The following SYTL2 variants were observed in gnomAD, a reference collection of about 807,000 sequenced individuals.
The protein encoded by SYTL2 is synaptotagmin like 2.
SYTL2 carries 165 observed loss-of-function variants against 198.7 expected under a neutral mutation model. That is an observed-to-expected ratio of 0.83 (90% confidence interval 0.73 to 0.94). SYTL2 has a LOEUF of 0.94. Among genes scored for constraint, SYTL2 ranks in the 40% least tolerant of loss-of-function variants. SYTL2 has a pLI of 0.00. For synonymous variants in SYTL2, 966 were observed against 917.7 expected, an observed-to-expected ratio of 1.05 and a Z score of -0.95; for missense variants, 2,835 against 2,582.8, an observed-to-expected ratio of 1.10 and a Z score of -2.12.
At chr11:85,836,928 C>T in the SYTL2 span, among the ~76,000 whole-genome samples, 1 of 152,120 alleles carries the variant, frequency 6.6e-6, no homozygotes, top group Non-Finnish European at 1.5e-5. Context: ...ATTTTTAACC[C>T]TCAGAAATGA....
chr11:85,825,126 A>G, the SYTL2 span, among the ~76,000 whole-genome samples: 1 of 152,236 alleles, frequency 6.6e-6, no homozygotes, highest in African/African-American at 2.4e-5. Flanking sequence ...CTGAGTGTGC[A>G]GCTCTAAAGG....
In SYTL2 at chr11:85,700,608, A is replaced by C; in HGVS notation, c.6190-15T>G. 6.2e-7 allele frequency: 1 copy of C among 1,610,360 alleles called. No homozygotes were observed. Reference sequence around the variant, plus strand: ...ACTGGTGCTGTCTGAAAAGTGAAGAAATGTCAGCAGGTGGGAGACAAACTT... The same window carrying C: ...ACTGGTGCTGTCTGAAAAGTGAAGACATGTCAGCAGGTGGGAGACAAACTT... On this transcript the variant is annotated splice_polypyrimidine_tract_variant and intron_variant, in intron 16 of 19. Coordinates refer to ENST00000359152, the MANE Select transcript of SYTL2 (RefSeq NM_206927.4).
At chr11:85,801,825 T>C (rs1043596293) in intron 1 of SYTL2, among the ~76,000 whole-genome samples, 1 of 151,134 alleles carries the variant, frequency 6.6e-6, no homozygotes, top group Non-Finnish European at 1.5e-5. Flanking sequence ...CCCCGTTCTT[T>C]TTTTTTTTTT....
At chr11:85,722,743 TTTAA>T (rs1389123056) in intron 8 of SYTL2, among the ~76,000 whole-genome samples, 13 of 151,936 alleles carry the variant, frequency 8.6e-5, no homozygotes, top group Admixed American at 3.9e-4. Context: ...AATTTAGAGA[TTTAA>T]TTAGAGATTT....
At chr11:85,757,543 A>G (rs1445549731) in intron 2 of SYTL2, 82 bp downstream of exon 2, 2 of 1,479,410 alleles carry the variant, frequency 1.4e-6, no homozygotes, top group African/African-American at 2.8e-5. Flanking sequence ...TACCACTTAT[A>G]GTTGAAAAAA....
the SYTL2 span, among the ~76,000 whole-genome samples, chr11:85,848,855 G>A: frequency 6.6e-6 from 1 of 152,008 alleles, no homozygotes; most frequent in Non-Finnish European, 1.5e-5. Context: ...GAGATCATAA[G>A]AGTAATTTCA....
Position 85,733,937 on chromosome 11 carries a change from A to G in SYTL2, c.1390+2T>C, listed in dbSNP as rs779557969. 6.2e-7 allele frequency: 1 copy of G among 1,613,134 alleles called. No homozygotes were observed. Among genetic ancestry groups the G allele is most frequent in the African/African-American group, 1.3e-5 (1 of 74,868 alleles). ...ATAATCTAGTAGTGACAACTCTCTT[A>G]CCAGCAGGGCTTCTGGGTAATACAG... On this transcript the variant is annotated splice_donor_variant, in intron 7 of 19. Transcript: ENST00000359152. LOFTEE classifies it high-confidence loss of function.
intron 3 of SYTL2, among the ~76,000 whole-genome samples, chr11:85,747,808 A>G (rs1467200738): frequency 6.6e-6 from 1 of 152,168 alleles, no homozygotes; most frequent in Non-Finnish European, 1.5e-5. Flanking sequence ...TTGTTTAATC[A>G]AATAAACAAG....
At chr11:85,774,801 G>A (rs2092422914) in intron 1 of SYTL2, among the ~76,000 whole-genome samples, 1 of 152,100 alleles carries the variant, frequency 6.6e-6, no homozygotes, top group South Asian at 2.1e-4. Flanking sequence ...CCCTTCCAAA[G>A]GCAGGCACAA....
At position 85,724,724 on chromosome 11, in the gene SYTL2, T is replaced by C. The variant is rs774250465; in HGVS notation, c.4634A>G (p.Glu1545Gly). 1.2e-6 allele frequency: 2 copies of C among 1,614,064 alleles called. No individual in the cohort carries two copies. Among genetic ancestry groups the C allele is most frequent in the Non-Finnish European group, 1.7e-6 (2 of 1,179,988 alleles). ...CTTTTCTACTGTTTCTTTTAATTCC[T>C]CAGGATGGCATTCAGAAGTGGCTCG... is the stretch of plus-strand genomic sequence containing the variant. Reference protein sequence around the residue: ...PRRATSECHPEELKETVEKAE... With the variant: ...PRRATSECHPGELKETVEKAE... Residue 1545 changes from glutamate (E) to glycine (G), a missense_variant, in exon 8 of 20, where the codon GAG (glutamate) becomes GGG (glycine). Glu to Gly is a moderately conservative substitution (Grantham distance 98). Around this residue, in one of 3 missense-constraint regions of SYTL2, gnomAD observed 2,645 missense variants for 2,381.7 expected, o/e 1.11. Transcript: ENST00000359152.
In SYTL2 at chr11:85,736,607, C is replaced by T. The variant is rs757578531; in HGVS notation, c.480G>A (p.Lys160=). Residue 160 remains lysine (K), a synonymous_variant, in exon 6 of 20, where the codon AAG becomes AAA. Coordinates refer to ENST00000359152, the MANE Select transcript of SYTL2 (RefSeq NM_206927.4). ...GCAACTTGGAGCTATTAAACGGATT[C>T]TTCCTCTGCTGGGGACAAATATTGT... is the stretch of plus-strand genomic sequence containing the variant. ...KPNVSPEKQR[K]NPFNSSKLPE... The T allele has an allele frequency of 4.5e-6, 7 of 1,549,694 alleles. No homozygotes were observed. The highest frequency in any genetic ancestry group is 6.2e-6 in the Non-Finnish European group (7 of 1,124,530).
chr11:85,773,800 C>T (rs2092403684), intron 1 of SYTL2, among the ~76,000 whole-genome samples: 1 of 152,102 alleles, frequency 6.6e-6, no homozygotes, highest in South Asian at 2.1e-4. Context: ...AAGCCTTTGC[C>T]TTATTAGGAA....
chr11:85,803,813 T>C (rs2092923265), intron 1 of SYTL2, among the ~76,000 whole-genome samples: 1 of 152,206 alleles, frequency 6.6e-6, no homozygotes, highest in Admixed American at 6.5e-5. Context: ...TGTGCTTCCA[T>C]TTCCTCATCA....
intron 17 of SYTL2, among the ~76,000 whole-genome samples, chr11:85,698,964 G>A (rs1299684308): frequency 6.6e-6 from 1 of 152,238 alleles, no homozygotes; most frequent in Non-Finnish European, 1.5e-5. Flanking sequence ...CATACGAACA[G>A]AGGAATGCCA....
the SYTL2 span, among the ~76,000 whole-genome samples, chr11:85,817,069 G>T: frequency 6.6e-6 from 1 of 152,156 alleles, no homozygotes; most frequent in African/African-American, 2.4e-5. Context: ...TACTGCAGAA[G>T]AGAAAACAGT....
At chr11:85,732,105 G>A (rs2089885705) in intron 7 of SYTL2, among the ~76,000 whole-genome samples, 1 of 152,194 alleles carries the variant, frequency 6.6e-6, no homozygotes, top group Admixed American at 6.5e-5. Context: ...CGATGCTGGA[G>A]AGGATGTGGA....
intron 1 of SYTL2, among the ~76,000 whole-genome samples, chr11:85,770,190 C>T (rs2092327508): frequency 6.6e-6 from 1 of 152,286 alleles, no homozygotes; most frequent in Admixed American, 6.5e-5. Flanking sequence ...AGCATGCTGC[C>T]TGGAACCTGT....
the SYTL2 span, among the ~76,000 whole-genome samples, chr11:85,848,784 G>A: frequency 4.6e-5 from 7 of 152,116 alleles, no homozygotes; most frequent in East Asian, 1.3e-3. Context: ...CAGGTTCCTG[G>A]GATAAGAAAC....
intron 2 of SYTL2, among the ~76,000 whole-genome samples, chr11:85,751,497 C>T (rs552193994): frequency 5.9e-5 from 9 of 152,290 alleles, no homozygotes; most frequent in African/African-American, 2.2e-4. Context: ...GACATTTATC[C>T]TTTACCATCC....
Sources: allele counts gnomAD v4.1 joint callset (sites outside exome capture counted in the v4.1 genomes callset), GRCh38; gene constraint gnomAD v4.1.1; regional missense constraint gnomAD v4.1.1; transcripts MANE v1.5; gene names NCBI Gene and HGNC (gene_info 2026-07-23, HGNC 2026-07-21).